ZNF26: variants seen among roughly 807,000 people sequenced by gnomAD.
ZNF26 encodes zinc finger protein 26.
In ZNF26, 32 loss-of-function variants were observed where a neutral mutation model predicts 54.9. The observed-to-expected ratio is 0.58, with a 90% CI of 0.44 to 0.78. The LOEUF (loss-of-function observed/expected upper bound fraction) is 0.78, where lower values mean the gene tolerates loss of function less well. ZNF26 is among the 30% of genes least tolerant of loss of function. The pLI, the probability that ZNF26 is intolerant of heterozygous loss-of-function variation, is 0.00. For synonymous variants in ZNF26, 221 were observed against 209.2 expected (o/e 1.06, Z -0.49); for missense variants, 524 against 634.0 (o/e 0.83, Z 1.86).
chr12:133,010,063 C>A, intron 3 of ZNF26, 73 bp from the exon 4 acceptor site: 2 of 1,455,042 alleles, frequency 1.4e-6, no homozygotes, highest in Non-Finnish European at 1.9e-6. Context: ...ACATCACAGT[C>A]CTAATACTGT....
In ZNF26 at chr12:133,019,487, T is replaced by C. The variant is rs1158687116; in HGVS notation, c.*8006T>C. The C allele has an allele frequency of 2.0e-5, 3 of 152,198 alleles. No individual in the cohort carries two copies. The highest frequency in any genetic ancestry group is 2.1e-4 in the South Asian group (1 of 4,828). 9.4% of individuals were successfully genotyped at this position (152,198 alleles called of 1,614,324 possible). A position where few individuals can be genotyped will look rare whatever the true frequency, so the allele number is the denominator to read the frequency against. On this transcript the variant is annotated 3_prime_UTR_variant, in exon 4 of 4. Coordinates refer to ENST00000328654, the MANE Select transcript of ZNF26 (RefSeq NM_019591.4). ...AAAAAATGCTCAATATCACCACTTA[T>C]CAGAGAAATGCAAATTAACCACAAT... is the stretch of plus-strand genomic sequence containing the variant.
intron 1 of ZNF26, among the ~76,000 whole-genome samples, chr12:132,990,348 A>T (rs1256755367): frequency 6.6e-6 from 1 of 152,222 alleles, no homozygotes; most frequent in African/African-American, 2.4e-5. Context: ...GTCATTTGAT[A>T]CGATGGAACT....
rs1332862639 is a variant in ZNF26, at chr12:133,011,533, A to C, written c.*52A>C. ...ACTGATGTTCAGGAGACTTCGGATA[A>C]TATAGACAGGATTTACAAGCAGGAG... On this transcript the variant is annotated 3_prime_UTR_variant, in exon 4 of 4. Transcript: ENST00000328654. 2 of 1,487,402 alleles carry C rather than the reference A, an allele frequency of 1.3e-6. No homozygotes were observed. The highest frequency in any genetic ancestry group is 1.8e-6 in the Non-Finnish European group (2 of 1,120,992). The allele number at this position is 1,487,402 out of a possible 1,614,324, so 92.1% of individuals were successfully genotyped here. A position where few individuals can be genotyped will look rare whatever the true frequency, so the allele number is the denominator to read the frequency against.
At chr12:133,003,876 C>A (rs1953270886) in intron 1 of ZNF26, among the ~76,000 whole-genome samples, 3 of 152,038 alleles carry the variant, frequency 2.0e-5, no homozygotes, top group Non-Finnish European at 4.4e-5. Flanking sequence ...TGTAGTGAGA[C>A]CGTCATGCTA....
chr12:132,993,475 A>AT lies in ZNF26; in HGVS notation c.33+6613dup, dbSNP rs574566812. ...TGTCTGTGTTTTTGTTTTTGTTTTTATTTTTTTTTTTGAGATGGAGTCCAG... is the reference window on the plus strand; with the variant it reads ...TGTCTGTGTTTTTGTTTTTGTTTTTATTTTTTTTTTTTGAGATGGAGTCCAG... On this transcript the variant is annotated intron_variant, in intron 1 of 3. Coordinates refer to ENST00000328654, the MANE Select transcript of ZNF26 (RefSeq NM_019591.4). Among the ~76,000 whole-genome samples, 740 of 142,948 alleles carry AT rather than the reference A, an allele frequency of 5.2e-3. 3 individuals carry two copies. The highest frequency in any genetic ancestry group is 6.1e-3 in the Admixed American group (87 of 14,332). The allele number at this position is 142,948 out of a possible 152,430, so 93.8% of individuals were successfully genotyped here.
intron 2 of ZNF26, 131 bp from the exon 3 acceptor site, chr12:133,007,306 C>T: frequency 2.3e-6 from 3 of 1,308,900 alleles, no homozygotes; most frequent in Admixed American, 4.0e-5. Context: ...TTCCTTAGTC[C>T]CTGTTTGTCC....
intron 2 of ZNF26, 62 bp downstream of exon 2, chr12:133,007,230 T>C: frequency 1.3e-6 from 2 of 1,583,050 alleles, no homozygotes; most frequent in Non-Finnish European, 1.7e-6. Context: ...CCTTTTTTTG[T>C]TGTTGAACTA....
In ZNF26 at chr12:133,018,710, T is replaced by C. The variant is rs1424112029; in HGVS notation, c.*7229T>C. Reference sequence around the variant, plus strand: ...AGGCTGGAGTGCAGTTGCATGATCATAGCTCACTGCAGCCTTGAACTCTTG... The same window carrying C: ...AGGCTGGAGTGCAGTTGCATGATCACAGCTCACTGCAGCCTTGAACTCTTG... On this transcript the variant is annotated 3_prime_UTR_variant, in exon 4 of 4. Transcript: ENST00000328654. 3 of 152,196 alleles carry C rather than the reference T, an allele frequency of 2.0e-5. No homozygotes were observed. The highest frequency in any genetic ancestry group is 4.4e-5 in the Non-Finnish European group (3 of 68,032). The allele number at this position is 152,196 out of a possible 1,614,324, so 9.4% of individuals were successfully genotyped here.
chr12:132,992,084 G>C (rs1952976951), intron 1 of ZNF26, among the ~76,000 whole-genome samples: 1 of 151,786 alleles, frequency 6.6e-6, no homozygotes, highest in Non-Finnish European at 1.5e-5. Flanking sequence ...GGAGGCGGGG[G>C]TTGCAGTGAG....
rs1348382754 is a variant in ZNF26 at position 132,986,503 on chromosome 12, C to T, written c.-338C>T. The T allele has an allele frequency of 1.2e-5, 5 of 409,294 alleles. No homozygotes were observed. The highest frequency in any genetic ancestry group is 3.6e-5 in the Admixed American group (1 of 27,614). The allele number at this position is 409,294 out of a possible 1,614,324, so 25.4% of individuals were successfully genotyped here. ...GCGGAGCTAAGCGGCTCGGATTATC[C>T]TGGGCAGACCAGAGACTTGACCAGC... On this transcript the variant is annotated 5_prime_UTR_variant, in exon 1 of 4. Coordinates refer to ENST00000328654, the MANE Select transcript of ZNF26 (RefSeq NM_019591.4).
chr12:133,008,164 G>A (rs1210014377), intron 3 of ZNF26, among the ~76,000 whole-genome samples: 1 of 152,084 alleles, frequency 6.6e-6, no homozygotes, highest in Non-Finnish European at 1.5e-5. Flanking sequence ...TGAGTCCTGG[G>A]TTTTACCTGC....
chr12:133,011,363 C>A lies in ZNF26; in HGVS notation c.1484C>A (p.Ser495Ter). 6.2e-7 allele frequency: 1 copy of A among 1,613,718 alleles called. No individual in the cohort carries two copies. Among genetic ancestry groups the A allele is most frequent in the South Asian group, 1.1e-5 (1 of 90,894 alleles). The change falls in exon 4 of 4, where the codon TCA becomes TAA. Residue 495 changes from serine to a stop codon, truncating the protein, a stop_gained. Coordinates refer to ENST00000328654, the MANE Select transcript of ZNF26 (RefSeq NM_019591.4). LOFTEE classifies it high-confidence loss of function. ...TGTGGAAAAGCCTTCACTCAGAAGT[C>A]ATCTCTCAGTGAACATCAGAGAGTT... is the stretch of plus-strand genomic sequence containing the variant. ...SECGKAFTQK[S>*]SLSEHQRVHT...
At chr12:133,004,689 G>C (rs1953287408) in intron 1 of ZNF26, 1 of 152,130 alleles carries the variant, frequency 6.6e-6, no homozygotes, top group Non-Finnish European at 1.5e-5. Context: ...CTAACTATGT[G>C]ACCCAGGATA....
chr12:133,010,520 A>C lies in ZNF26; in HGVS notation c.641A>C (p.Lys214Thr). 1 of 1,614,190 alleles carries C rather than the reference A, an allele frequency of 6.2e-7. No individual in the cohort carries two copies. Among genetic ancestry groups the C allele is most frequent in the East Asian group, 2.2e-5 (1 of 44,876 alleles). ...AAATGTGAAAGAGCCTTCAGTGCCA[A>C]GTCAAACCTTAATGCTCATCAGAGA... is the stretch of plus-strand genomic sequence containing the variant. ...CSKCERAFSAKSNLNAHQRVH... is the reference protein window; with the variant it reads ...CSKCERAFSATSNLNAHQRVH... Residue 214 changes from lysine (K) to threonine (T), a missense_variant, in exon 4 of 4, where the codon AAG (lysine) becomes ACG (threonine). Transcript: ENST00000328654.
At position 133,011,405 on chromosome 12, in the gene ZNF26, C is replaced by A; in HGVS notation, c.1526C>A (p.Pro509Gln). ...EHQRVHTGEKPWKCSECGKSF... is the reference protein window; with the variant it reads ...EHQRVHTGEKQWKCSECGKSF... ...CAGAGAGTTCACACCGGAGAGAAAC[C>A]ATGGAAATGCTCTGAATGTGGGAAA... The change falls in exon 4 of 4, where the codon CCA becomes CAA. Residue 509 changes from proline to glutamine, a missense_variant. Physicochemically the swap from Pro to Gln is moderately conservative, Grantham distance 76. Transcript: ENST00000328654. 1 of 1,604,834 alleles carries A rather than the reference C, an allele frequency of 6.2e-7. No individual in the cohort carries two copies. Among genetic ancestry groups the A allele is most frequent in the South Asian group, 1.1e-5 (1 of 89,080 alleles).
At chr12:132,991,125 C>G (rs996549036) in intron 1 of ZNF26, among the ~76,000 whole-genome samples, 41 of 151,796 alleles carry the variant, frequency 2.7e-4, no homozygotes, top group African/African-American at 9.4e-4. Flanking sequence ...TCCCAAAGTG[C>G]TGGGATTACA....
At chr12:132,994,515 TCTC>T (rs1388324560) in intron 1 of ZNF26, among the ~76,000 whole-genome samples, 1 of 152,184 alleles carries the variant, frequency 6.6e-6, no homozygotes, top group Non-Finnish European at 1.5e-5. Flanking sequence ...ATCCCCTCTC[TCTC>T]CTCGGAGGTA....
rs201026047 is a variant in ZNF26, at chr12:133,025,035, T to C, written c.*13554T>C. On this transcript the variant is annotated 3_prime_UTR_variant, in exon 4 of 4. Coordinates refer to ENST00000328654, the MANE Select transcript of ZNF26 (RefSeq NM_019591.4). ...CATGGTCACATTTTATGAAAAACCA[T>C]GGATGACTCAGAGAGCAGAACTAAG... 5,160 of 152,242 alleles carry C rather than the reference T, an allele frequency of 0.034. 128 individuals carry two copies. The highest frequency in any genetic ancestry group is 0.083 in the South Asian group (402 of 4,822). The allele number at this position is 152,242 out of a possible 1,614,324, so 9.4% of individuals were successfully genotyped here.
chr12:133,011,309 C>G lies in ZNF26; in HGVS notation c.1430C>G (p.Ser477Trp). The G allele has an allele frequency of 6.2e-7, 1 of 1,613,912 alleles. No homozygotes were observed. The highest frequency in any genetic ancestry group is 1.7e-5 in the Admixed American group (1 of 59,988). The change falls in exon 4 of 4, where the codon TCG (serine) becomes TGG (tryptophan). Residue 477 changes from serine to tryptophan, a missense_variant. By Grantham distance (177) the Ser-to-Trp change is radical. Coordinates refer to ENST00000328654, the MANE Select transcript of ZNF26 (RefSeq NM_019591.4). ...CTTCAGATACACCAGAAAACTCATT[C>G]GGGAGAGAAACCTTTTAAATGCAGT... ...ASLQIHQKTH[S>W]GEKPFKCSEC...
Sources: allele counts gnomAD v4.1 joint callset (sites outside exome capture counted in the v4.1 genomes callset), GRCh38; gene constraint gnomAD v4.1.1; transcripts MANE v1.5; gene names NCBI Gene and HGNC (gene_info 2026-07-23, HGNC 2026-07-21).